Variants in TF observed in about 807,000 individuals in gnomAD.
The protein encoded by TF is transferrin, also known as serotransferrin.
TF carries 55 observed loss-of-function variants against 82.4 expected under a neutral mutation model. The observed-to-expected ratio is 0.67, with a 90% CI of 0.54 to 0.84. TF has a LOEUF of 0.84. Ranked by LOEUF, TF falls within the 40% of genes least tolerant of loss-of-function variation. TF has a pLI of 0.00. For synonymous variants in TF, 332 were observed against 332.6 expected (o/e 1.00, Z 0.02); for missense variants, 737 against 868.4 (o/e 0.85, Z 1.90).
the TF span, among the ~76,000 whole-genome samples, chr3:133,669,370 G>GTC: frequency 6.6e-6 from 1 of 152,142 alleles, no homozygotes; most frequent in Non-Finnish European, 1.5e-5. Flanking sequence ...TTGTCTAAAA[G>GTC]TCTGTTTTCT....
At chr3:133,677,524 C>A in the TF span, among the ~76,000 whole-genome samples, 21 of 152,024 alleles carry the variant, frequency 1.4e-4, no homozygotes, top group East Asian at 9.6e-4. Context: ...GCGATCCCAG[C>A]TACTCGGGAG....
the TF span, among the ~76,000 whole-genome samples, chr3:133,673,677 G>C: frequency 6.6e-6 from 1 of 152,156 alleles, no homozygotes; most frequent in Non-Finnish European, 1.5e-5. Context: ...TAGAAGTCAA[G>C]ATAATGGGTA....
chr3:133,760,077 G>A (rs1345544745), intron 9 of TF, among the ~76,000 whole-genome samples: 1 of 151,782 alleles, frequency 6.6e-6, no homozygotes, highest in African/African-American at 2.4e-5. Context: ...ATCGAGATGG[G>A]GGAGTATGGT....
chr3:133,759,754 G>T (rs1290606483), intron 9 of TF, among the ~76,000 whole-genome samples: 1 of 152,210 alleles, frequency 6.6e-6, no homozygotes, highest in Non-Finnish European at 1.5e-5. Context: ...TACTTCGAAA[G>T]CTGAGGCAGG....
the TF span, among the ~76,000 whole-genome samples, chr3:133,697,201 A>G: frequency 1.6e-4 from 25 of 152,240 alleles, no homozygotes; most frequent in East Asian, 4.2e-3. Flanking sequence ...TTGGCAATTG[A>G]TGCATGTCTT....
chr3:133,732,642 G>T, the TF span, among the ~76,000 whole-genome samples: 1 of 152,212 alleles, frequency 6.6e-6, no homozygotes, highest in Non-Finnish European at 1.5e-5. Context: ...AAGGTCTGCA[G>T]CTTCATTTCT....
the TF span, among the ~76,000 whole-genome samples, chr3:133,721,893 T>C: frequency 0.4 from 61,036 of 151,928 alleles, 13,119 homozygotes; most frequent in African/African-American, 0.54. Flanking sequence ...TTGTTGCTGT[T>C]GTTCGAGACA....
At position 133,796,623 on chromosome 3, in the gene TF, C is replaced by T. The variant is rs1206643527; in HGVS notation, c.*18003C>T. Reference sequence around the variant, plus strand: ...GAGTGTACTTTTGTTTTCAATAAACCTCTGCTTTTGTTGCTTCATTCTTTC... The same window carrying T: ...GAGTGTACTTTTGTTTTCAATAAACTTCTGCTTTTGTTGCTTCATTCTTTC... On this transcript the variant is annotated 3_prime_UTR_variant, in exon 17 of 17. Transcript: ENST00000402696. 6.6e-6 allele frequency: 1 copy of T among 152,180 alleles called. No individual in the cohort carries two copies. The highest frequency in any genetic ancestry group is 2.4e-5 in the African/African-American group (1 of 41,448). 9.4% of individuals were successfully genotyped at this position (152,180 alleles called of 1,614,324 possible).
rs774467472 is a variant in TF at position 133,775,602 on chromosome 3, A to T, written c.1857A>T (p.Ile619=). 1 of 1,614,146 alleles carries T rather than the reference A, an allele frequency of 6.2e-7. No homozygotes were observed. The highest frequency in any genetic ancestry group is 1.7e-5 in the Admixed American group (1 of 60,028). ...ATAAGGAAGCTTGCGTCCACAAGAT[A>T]TTACGTCAACAGCAGGTATGGACCA... ...RKDKEACVHK[I]LRQQQHLFGS... Residue 619 remains isoleucine, a synonymous_variant, in exon 15 of 17, where the codon ATA becomes ATT. Coordinates refer to ENST00000402696, the MANE Select transcript of TF (RefSeq NM_001063.4).
the TF span, among the ~76,000 whole-genome samples, chr3:133,737,937 G>A: frequency 6.6e-6 from 1 of 152,100 alleles, no homozygotes; most frequent in Non-Finnish European, 1.5e-5. Context: ...CATAGAAAAA[G>A]AGGGACTCCC....
At chr3:133,771,069 A>G (rs1404225497) in intron 14 of TF, 1 of 168,634 alleles carries the variant, frequency 5.9e-6, no homozygotes, top group Non-Finnish European at 1.3e-5. Flanking sequence ...GCACCAAGAT[A>G]TTGGCTTGTA....
At chr3:133,695,560 A>G in the TF span, among the ~76,000 whole-genome samples, 1 of 152,180 alleles carries the variant, frequency 6.6e-6, no homozygotes, top group African/African-American at 2.4e-5. Flanking sequence ...GTTGCCTTAT[A>G]TCTGATAGAA....
chr3:133,757,493 G>C (rs916535649), intron 7 of TF, among the ~76,000 whole-genome samples: 5 of 152,194 alleles, frequency 3.3e-5, no homozygotes, highest in Admixed American at 6.5e-5. Context: ...TAACCACACA[G>C]GGCAGCCTCT....
chr3:133,769,283 C>T (rs1934202376), intron 13 of TF, among the ~76,000 whole-genome samples: 1 of 152,138 alleles, frequency 6.6e-6, no homozygotes, highest in Admixed American at 6.5e-5. Context: ...TTCACATTCC[C>T]CAAGTTTCTA....
At chr3:133,758,027 A>G in intron 8 of TF, 81 bp downstream of exon 8, 2 of 1,393,374 alleles carry the variant, frequency 1.4e-6, no homozygotes, top group Non-Finnish European at 2.0e-6. Flanking sequence ...GAGTCTTTTC[A>G]GGGACCTGCA....
At chr3:133,662,919 C>A in the TF span, among the ~76,000 whole-genome samples, 2 of 152,180 alleles carry the variant, frequency 1.3e-5, no homozygotes, top group South Asian at 4.2e-4. Flanking sequence ...TAGTAATGAG[C>A]AGCTTGAGTC....
rs141144484 is a variant in TF, at chr3:133,749,151, G to A, written c.216+567G>A. ...ACTCCAGCCTAGGTGACAGAGTGAG[G>A]CTCCATCTCAAAATAAATAAATAAA... On this transcript the variant is annotated intron_variant, in intron 2 of 16. Coordinates refer to ENST00000402696, the MANE Select transcript of TF (RefSeq NM_001063.4). 7.8e-3 allele frequency among the ~76,000 whole-genome samples: 1,184 copies of A among 152,192 alleles called. 14 individuals are homozygous for A. Among genetic ancestry groups the A allele is most frequent in the African/African-American group, 0.027 (1,139 of 41,516 alleles).
rs1934542897 is a variant in TF at position 133,782,701 on chromosome 3, A to G, written c.*4081A>G. ...CTAGGCGCAGTGGCTCACTCCTGTA[A>G]TCCCAGGACTTTGGGAGGCAGAGGT... On this transcript the variant is annotated 3_prime_UTR_variant, in exon 17 of 17. Coordinates refer to ENST00000402696, the MANE Select transcript of TF (RefSeq NM_001063.4). 1 of 151,490 alleles carries G rather than the reference A, an allele frequency of 6.6e-6. No homozygotes were observed. The highest frequency in any genetic ancestry group is 1.5e-5 in the Non-Finnish European group (1 of 67,994). The allele number at this position is 151,490 out of a possible 1,614,324, so 9.4% of individuals were successfully genotyped here. A position where few individuals can be genotyped will look rare whatever the true frequency, so the allele number is the denominator to read the frequency against.
chr3:133,673,104 T>C, the TF span, among the ~76,000 whole-genome samples: 1 of 152,224 alleles, frequency 6.6e-6, no homozygotes, highest in East Asian at 1.9e-4. Flanking sequence ...GCAGTAACTA[T>C]TAAAGCTGAA....
Sources: allele counts gnomAD v4.1 joint callset (sites outside exome capture counted in the v4.1 genomes callset), GRCh38; gene constraint gnomAD v4.1.1; transcripts MANE v1.5; gene names NCBI Gene and HGNC (gene_info 2026-07-23, HGNC 2026-07-21).